Variants in NPAS3 observed in about 807,000 individuals in gnomAD.
The protein encoded by NPAS3 is neuronal PAS domain-containing protein 3.
A neutral mutation model predicts 73.1 loss-of-function variants in NPAS3; 14 were observed. The observed-to-expected ratio is 0.19, with a 90% confidence interval of 0.13 to 0.30. The LOEUF is 0.30. Among genes scored for constraint, NPAS3 ranks in the 10% least tolerant of loss-of-function variants. The probability of loss-of-function intolerance (pLI) is 1.00; values close to 1 mark genes in which losing one functional copy is unlikely to be tolerated. For missense variants in NPAS3, 1,096 were observed against 1,250.0 expected (o/e 0.88, Z 1.86); for synonymous variants, 620 against 541.5 (o/e 1.14, Z -2.01).
At chr14:33,535,371 C>A (rs375923421) in intron 4 of NPAS3, among the ~76,000 whole-genome samples, 1 of 152,190 alleles carries the variant, frequency 6.6e-6, no homozygotes, top group Admixed American at 6.5e-5. Flanking sequence ...TTGAGTAGGA[C>A]TGCTGTTAGA....
At chr14:33,777,073 ATTC>A (rs2062843918) in intron 8 of NPAS3, among the ~76,000 whole-genome samples, 2 of 152,196 alleles carry the variant, frequency 1.3e-5, no homozygotes, top group South Asian at 2.1e-4. Flanking sequence ...TCTGCAGACC[ATTC>A]TTCTCTGCAT....
At chr14:33,354,682 C>CT (rs1417571762) in intron 3 of NPAS3, among the ~76,000 whole-genome samples, 1 of 152,172 alleles carries the variant, frequency 6.6e-6, no homozygotes, top group Non-Finnish European at 1.5e-5. Context: ...TAACACCTCC[C>CT]TGCCTTACTC....
intron 5 of NPAS3, among the ~76,000 whole-genome samples, chr14:33,630,783 G>A (rs1483337796): frequency 6.6e-6 from 1 of 152,104 alleles, no homozygotes; most frequent in East Asian, 1.9e-4. Context: ...AAATATTCAA[G>A]GCTTTCTCCC....
At chr14:33,480,530 T>G (rs933587963) in intron 4 of NPAS3, among the ~76,000 whole-genome samples, 7 of 14,776 alleles carry the variant, frequency 4.7e-4, no homozygotes, top group Non-Finnish European at 6.3e-4. Flanking sequence ...ACTCTCCCCC[T>G]CCCCGCCCCG....
At chr14:33,248,788 G>A (rs2048477670) in intron 3 of NPAS3, among the ~76,000 whole-genome samples, 2 of 152,206 alleles carry the variant, frequency 1.3e-5, no homozygotes, top group African/African-American at 4.8e-5. Context: ...TCAGGCTACA[G>A]CAAGATGCTG....
intron 3 of NPAS3, among the ~76,000 whole-genome samples, chr14:33,328,748 G>A (rs539655589): frequency 6.6e-6 from 1 of 151,802 alleles, no homozygotes; most frequent in East Asian, 1.9e-4. Context: ...TACCTTTTCC[G>A]TTCCTTTGGG....
At chr14:33,346,254 T>C (rs1333863874) in intron 3 of NPAS3, among the ~76,000 whole-genome samples, 1 of 147,728 alleles carries the variant, frequency 6.8e-6, no homozygotes, top group South Asian at 2.1e-4. Flanking sequence ...ATTCCGGTGG[T>C]ACAGTGGCTC....
chr14:32,959,088 G>A (rs567462002), intron 1 of NPAS3, among the ~76,000 whole-genome samples: 4 of 152,348 alleles, frequency 2.6e-5, no homozygotes, highest in African/African-American at 9.6e-5. Context: ...TGGGCCCTGG[G>A]TTGGACAAGC....
chr14:33,731,509 A>G (rs2061401909), intron 6 of NPAS3, among the ~76,000 whole-genome samples: 1 of 151,786 alleles, frequency 6.6e-6, no homozygotes, highest in South Asian at 2.1e-4. Context: ...GACCCTGGAG[A>G]GAATACTGAA....
chr14:33,665,341 T>C (rs2059422456), intron 5 of NPAS3, among the ~76,000 whole-genome samples: 3 of 152,104 alleles, frequency 2.0e-5, no homozygotes, highest in East Asian at 1.9e-4. Flanking sequence ...AAATACTTAA[T>C]GTAGATGACG....
intron 5 of NPAS3, among the ~76,000 whole-genome samples, chr14:33,603,033 T>C (rs2057448717): frequency 6.6e-6 from 1 of 152,184 alleles, no homozygotes; most frequent in South Asian, 2.1e-4. Flanking sequence ...ATATATAGGC[T>C]ACAATGAAGA....
chr14:33,366,248 A>T (rs1448975121), intron 3 of NPAS3, among the ~76,000 whole-genome samples: 1 of 152,096 alleles, frequency 6.6e-6, no homozygotes, highest in Non-Finnish European at 1.5e-5. Flanking sequence ...TCATTGCTCA[A>T]TTATACTCCA....
chr14:33,750,323 G>T (rs1272617637), intron 7 of NPAS3, among the ~76,000 whole-genome samples: 1 of 151,724 alleles, frequency 6.6e-6, no homozygotes, highest in Non-Finnish European at 1.5e-5. Flanking sequence ...TCAAAAATGA[G>T]GTGATATTTC....
At chr14:33,344,031 C>T (rs971759374) in intron 3 of NPAS3, among the ~76,000 whole-genome samples, 20 of 152,124 alleles carry the variant, frequency 1.3e-4, no homozygotes, top group African/African-American at 3.4e-4. Flanking sequence ...CGTGTTGTGA[C>T]GCAGAACTGG....
At chr14:32,972,698 A>G (rs1361541565) in intron 1 of NPAS3, among the ~76,000 whole-genome samples, 2 of 152,198 alleles carry the variant, frequency 1.3e-5, no homozygotes, top group Non-Finnish European at 2.9e-5. Flanking sequence ...GGGGGAAAAG[A>G]GAAACACTTT....
intron 3 of NPAS3, among the ~76,000 whole-genome samples, chr14:33,303,598 T>G (rs1275605075): frequency 6.6e-6 from 1 of 152,208 alleles, no homozygotes; most frequent in Non-Finnish European, 1.5e-5. Flanking sequence ...CATTTTTCAT[T>G]ATTAGCAAGC....
chr14:33,149,446 G>A (rs1243381079), intron 2 of NPAS3, among the ~76,000 whole-genome samples: 2 of 152,152 alleles, frequency 1.3e-5, no homozygotes, highest in Non-Finnish European at 2.9e-5. Context: ...AATGCCTACA[G>A]CCATAAATAA....
In NPAS3 at chr14:32,990,898, G is replaced by C. The variant is rs2038304445; in HGVS notation, c.50+51532G>C. Among the ~76,000 whole-genome samples the C allele has an allele frequency of 2.0e-5, 3 of 151,734 alleles. No homozygotes were observed. The South Asian group carries it at 6.3e-4, about 32-fold the overall frequency. ...GCTATGATCATGCCACTGCACTCCA[G>C]CTTGGGTAACAGAGATGCCATCTCA... On this transcript the variant is annotated intron_variant, in intron 1 of 11. Coordinates refer to ENST00000356141, the Ensembl canonical transcript of NPAS3.
At chr14:33,744,279 C>A (rs2061729307) in intron 7 of NPAS3, among the ~76,000 whole-genome samples, 1 of 152,110 alleles carries the variant, frequency 6.6e-6, no homozygotes, top group Non-Finnish European at 1.5e-5. Flanking sequence ...TATTAATTAG[C>A]CTAATTTCAA....
Sources: gnomAD v4.1 joint callset for allele counts (sites outside exome capture counted in the v4.1 genomes callset) on GRCh38, gnomAD v4.1.1 for gene constraint, MANE v1.5 for transcripts, NCBI Gene and HGNC (gene_info 2026-07-23, HGNC 2026-07-21) for gene names.